Variants in LINGO2 observed in about 807,000 individuals in gnomAD.
LINGO2 encodes leucine-rich repeat and immunoglobulin-like domain-containing nogo receptor-interacting protein 2.
In LINGO2, 14 loss-of-function variants were observed where a neutral mutation model predicts 30.6. That is an observed-to-expected ratio of 0.46 (90% CI 0.30 to 0.72). The LOEUF is 0.72. Ranked by LOEUF, LINGO2 falls within the 30% of genes least tolerant of loss-of-function variation. LINGO2 has a pLI of 0.07. For missense variants in LINGO2, 729 were observed against 751.7 expected, an observed-to-expected ratio of 0.97 and a Z score of 0.35; for synonymous variants, 317 against 288.5, an observed-to-expected ratio of 1.10 and a Z score of -1.00.
the LINGO2 span, among the ~76,000 whole-genome samples, chr9:29,188,128 C>T: frequency 7.0e-6 from 1 of 142,498 alleles, no homozygotes; most frequent in Non-Finnish European, 1.5e-5. Flanking sequence ...AACAAGTGAA[C>T]AAAGGTCTCT....
the LINGO2 span, among the ~76,000 whole-genome samples, chr9:29,098,067 T>C: frequency 2.0e-5 from 3 of 151,990 alleles, no homozygotes; most frequent in Admixed American, 6.6e-5. Context: ...TAATAGGTTA[T>C]AACTGATGAA....
At chr9:28,509,723 C>T (rs1357298054) in intron 1 of LINGO2, among the ~76,000 whole-genome samples, 2 of 152,106 alleles carry the variant, frequency 1.3e-5, no homozygotes, top group African/African-American at 4.8e-5. Context: ...GAAAGAGAAG[C>T]CTCACCAGGA....
At chr9:28,886,069 G>T in the LINGO2 span, among the ~76,000 whole-genome samples, 1 of 151,982 alleles carries the variant, frequency 6.6e-6, no homozygotes, top group African/African-American at 2.4e-5. Context: ...TTTAAGTATT[G>T]ATACAAATAA....
chr9:29,000,276 A>G, the LINGO2 span, among the ~76,000 whole-genome samples: 5 of 151,792 alleles, frequency 3.3e-5, no homozygotes, highest in African/African-American at 1.2e-4. Flanking sequence ...TATTCTTTCT[A>G]TTCATTTTGT....
rs554172579 is a variant in LINGO2 at position 28,637,280 on chromosome 9, G to C, written c.-365+32920C>G. Among the ~76,000 whole-genome samples the C allele has an allele frequency of 2.6e-5, 4 of 152,132 alleles. No homozygotes were observed. In the South Asian group the frequency reaches 8.3e-4, roughly 32 times the overall value. ...TGATGCCTCCAGCTTTGTTCTTTTG[G>C]CTTAGGATTGACTTGGCGATGCGGG... On this transcript the variant is annotated intron_variant, in intron 1 of 5. Transcript: ENST00000379992.
intron 3 of LINGO2, among the ~76,000 whole-genome samples, chr9:28,309,169 G>C (rs1390039722): frequency 5.9e-5 from 9 of 152,082 alleles, no homozygotes. Context: ...ATAGCAAAGA[G>C]TTGGAAGCAA....
intron 3 of LINGO2, among the ~76,000 whole-genome samples, chr9:28,342,820 G>A (rs755410153): frequency 6.6e-6 from 1 of 152,050 alleles, no homozygotes; most frequent in Non-Finnish European, 1.5e-5. Flanking sequence ...GGAATGACCA[G>A]AATGAAGACA....
At chr9:29,025,148 GA>G in the LINGO2 span, among the ~76,000 whole-genome samples, 1 of 151,028 alleles carries the variant, frequency 6.6e-6, no homozygotes. Context: ...TTATAAAAAG[GA>G]GGAGAAAAAA....
At chr9:28,373,648 C>A (rs10968540) in intron 2 of LINGO2, among the ~76,000 whole-genome samples, 1 of 152,026 alleles carries the variant, frequency 6.6e-6, no homozygotes, top group Admixed American at 6.5e-5. Flanking sequence ...GCCTGTAATC[C>A]GAGCACTTTG....
the LINGO2 span, among the ~76,000 whole-genome samples, chr9:29,025,393 T>C: frequency 6.6e-6 from 1 of 152,110 alleles, no homozygotes; most frequent in Non-Finnish European, 1.5e-5. Flanking sequence ...TATTTGTTTA[T>C]CAAACAAAAT....
At chr9:28,245,817 T>G (rs1048106955) in intron 4 of LINGO2, among the ~76,000 whole-genome samples, 65 of 152,136 alleles carry the variant, frequency 4.3e-4, no homozygotes, top group African/African-American at 1.5e-3. Flanking sequence ...TGGAAAAACA[T>G]TGTATCCTCA....
the LINGO2 span, among the ~76,000 whole-genome samples, chr9:28,955,021 G>A: frequency 6.6e-6 from 1 of 152,078 alleles, no homozygotes; most frequent in Non-Finnish European, 1.5e-5. Context: ...GCAAAAGAGG[G>A]ACAGAGATAG....
chr9:28,236,459 C>T (rs189722974), intron 4 of LINGO2, among the ~76,000 whole-genome samples: 46 of 152,230 alleles, frequency 3.0e-4, no homozygotes, highest in Middle Eastern at 3.4e-3. Flanking sequence ...AGTGTGTATA[C>T]GTTTCCTGAC....
At chr9:28,979,154 T>G in the LINGO2 span, among the ~76,000 whole-genome samples, 2 of 152,120 alleles carry the variant, frequency 1.3e-5, no homozygotes, top group Admixed American at 1.3e-4. Context: ...TTTGTCTGCT[T>G]CTTTGAGCTA....
chr9:27,982,525 A>G (rs1484480878), intron 5 of LINGO2, among the ~76,000 whole-genome samples: 1 of 151,852 alleles, frequency 6.6e-6, no homozygotes, highest in African/African-American at 2.4e-5. Flanking sequence ...CATTAACTCA[A>G]TTCCCTTAAT....
chr9:28,827,989 C>T, the LINGO2 span, among the ~76,000 whole-genome samples: 1 of 151,784 alleles, frequency 6.6e-6, no homozygotes, highest in African/African-American at 2.4e-5. Context: ...TATATGTAGA[C>T]AATATCTTGA....
chr9:28,863,041 T>A, the LINGO2 span, among the ~76,000 whole-genome samples: 4 of 152,088 alleles, frequency 2.6e-5, no homozygotes, highest in African/African-American at 9.6e-5. Flanking sequence ...GAAGAGTAAA[T>A]GAAAATGAAT....
rs190249736 is a variant in LINGO2 at position 28,377,374 on chromosome 9, T to G, written c.-278-4506A>C. 9.2e-5 allele frequency among the ~76,000 whole-genome samples: 14 copies of G among 152,314 alleles called. No homozygotes were observed. The East Asian group carries it at 2.5e-3, about 27-fold the overall frequency. Reference sequence around the variant, plus strand: ...CCCTTATGATTTACTTAATAACACCTTCTTTCCTGCAGTTTATTTTATTAT... The same window carrying G: ...CCCTTATGATTTACTTAATAACACCGTCTTTCCTGCAGTTTATTTTATTAT... On this transcript the variant is annotated intron_variant, in intron 2 of 5. Transcript: ENST00000379992.
the LINGO2 span, among the ~76,000 whole-genome samples, chr9:28,684,670 C>G: frequency 6.6e-6 from 1 of 151,778 alleles, no homozygotes; most frequent in African/African-American, 2.4e-5. Flanking sequence ...AAGCACACAC[C>G]ACCATACCAG....
Sources: allele counts gnomAD v4.1 joint callset (sites outside exome capture counted in the v4.1 genomes callset), GRCh38; gene constraint gnomAD v4.1.1; transcripts MANE v1.5; gene names NCBI Gene and HGNC (gene_info 2026-07-23, HGNC 2026-07-21).